Variants in RERE observed in about 807,000 individuals in gnomAD.
The protein encoded by RERE is arginine-glutamic acid dipeptide repeats.
RERE carries 40 observed loss-of-function variants against 146.1 expected under a neutral mutation model. The ratio of observed to expected loss-of-function variants is 0.27; its 90% CI spans 0.21 to 0.36. RERE has a LOEUF of 0.36. Among genes scored for constraint, RERE ranks in the 10% least tolerant of loss-of-function variants. The pLI, the probability that RERE is intolerant of heterozygous loss-of-function variation, is 1.00. For missense variants in RERE, 1,933 were observed against 2,138.7 expected (o/e 0.90, Z 1.90); for synonymous variants, 1,003 against 866.0 (o/e 1.16, Z -2.78).
intron 10 of RERE, among the ~76,000 whole-genome samples, chr1:8,488,393 G>C (rs1016956021): frequency 6.6e-6 from 1 of 151,962 alleles, no homozygotes; most frequent in Non-Finnish European, 1.5e-5. Flanking sequence ...TTACACGCAC[G>C]TGCCACCATG....
intron 1 of RERE, among the ~76,000 whole-genome samples, chr1:8,773,719 G>C (rs1641001065): frequency 1.3e-5 from 2 of 152,172 alleles, no homozygotes; most frequent in South Asian, 4.1e-4. Context: ...AGCTACTTGG[G>C]AGGCTGAGGC....
chr1:8,743,426 A>AT (rs35763675), intron 1 of RERE, among the ~76,000 whole-genome samples: 178 of 122,934 alleles, frequency 1.4e-3, no homozygotes, highest in African/African-American at 2.1e-3. Flanking sequence ...CTACAGGCTA[A>AT]TTTTTTTTTT....
At chr1:8,701,060 T>C (rs751316493) in intron 1 of RERE, among the ~76,000 whole-genome samples, 33 of 152,158 alleles carry the variant, frequency 2.2e-4, no homozygotes, top group Non-Finnish European at 4.0e-4. Context: ...AAACCTTCAG[T>C]GTAAGATAAA....
At chr1:8,618,414 T>G (rs1646880999) in intron 3 of RERE, among the ~76,000 whole-genome samples, 1 of 152,202 alleles carries the variant, frequency 6.6e-6, no homozygotes, top group Non-Finnish European at 1.5e-5. Context: ...GTCCGCGCTC[T>G]GAACCTGGGC....
chr1:8,414,674 G>T (rs1002173289), intron 12 of RERE, among the ~76,000 whole-genome samples: 1 of 151,904 alleles, frequency 6.6e-6, no homozygotes, highest in Non-Finnish European at 1.5e-5. Context: ...TTTCCAAAGT[G>T]GGGGGGTCGG....
intron 12 of RERE, among the ~76,000 whole-genome samples, chr1:8,389,237 A>AG (rs1217083523): frequency 6.6e-6 from 1 of 152,222 alleles, no homozygotes; most frequent in Non-Finnish European, 1.5e-5. Context: ...TATAATCTAC[A>AG]GCACAAGTAG....
chr1:8,776,776 T>C (rs1392139824), intron 1 of RERE, among the ~76,000 whole-genome samples: 2 of 152,126 alleles, frequency 1.3e-5, no homozygotes, highest in Admixed American at 6.6e-5. Flanking sequence ...TGGAGTGCAG[T>C]GGCACCATCA....
intron 1 of RERE, among the ~76,000 whole-genome samples, chr1:8,738,214 G>A (rs1224859751): frequency 6.6e-6 from 1 of 152,084 alleles, no homozygotes; most frequent in Non-Finnish European, 1.5e-5. Flanking sequence ...CCTCCTCTGT[G>A]GCCCCTGATC....
At chr1:8,699,278 C>T (rs1639397704) in intron 1 of RERE, among the ~76,000 whole-genome samples, 1 of 152,064 alleles carries the variant, frequency 6.6e-6, no homozygotes, top group Non-Finnish European at 1.5e-5. Context: ...AATAACTTAC[C>T]CCAGGTATCA....
intron 6 of RERE, among the ~76,000 whole-genome samples, chr1:8,552,473 T>C (rs919408453): frequency 3.3e-5 from 5 of 152,254 alleles, no homozygotes; most frequent in African/African-American, 9.6e-5. Flanking sequence ...TCCCTTTTCA[T>C]GTGCCCACAG....
chr1:8,448,096 G>A (rs555920549), intron 11 of RERE, among the ~76,000 whole-genome samples: 3 of 152,296 alleles, frequency 2.0e-5, no homozygotes, highest in South Asian at 2.1e-4. Context: ...GTCCACCACT[G>A]CCATTAGAAC....
intron 10 of RERE, among the ~76,000 whole-genome samples, chr1:8,492,320 T>C (rs963790432): frequency 6.6e-6 from 1 of 152,194 alleles, no homozygotes. Context: ...TAAGAGAGTT[T>C]GGAATAAAAA....
At chr1:8,802,489 T>G (rs1218452883) in intron 1 of RERE, among the ~76,000 whole-genome samples, 2 of 152,330 alleles carry the variant, frequency 1.3e-5, no homozygotes, top group East Asian at 1.9e-4. Flanking sequence ...TTCATGCAAT[T>G]TCCTGCCTCA....
rs747307431 is a variant in RERE, at chr1:8,640,878, T to G, written c.325+15095A>C. 4.6e-4 allele frequency among the ~76,000 whole-genome samples: 70 copies of G among 152,212 alleles called. 1 individual carries two copies. The highest frequency in any genetic ancestry group is 2.5e-4 in the Non-Finnish European group (17 of 68,034). On this transcript the variant is annotated intron_variant, in intron 2 of 22. Coordinates refer to ENST00000400908, the MANE Select transcript of RERE (RefSeq NM_001042681.2). Reference sequence around the variant, plus strand: ...AAGGAGTAAAATAGTGAAGCATTTATCCTCACTTTTTCTAGTATTTAGGGT... The same window carrying G: ...AAGGAGTAAAATAGTGAAGCATTTAGCCTCACTTTTTCTAGTATTTAGGGT...
chr1:8,801,294 A>G (rs1378199030), intron 1 of RERE, among the ~76,000 whole-genome samples: 34 of 149,388 alleles, frequency 2.3e-4, no homozygotes, highest in Non-Finnish European at 4.6e-4. Flanking sequence ...TTTGAGACGG[A>G]GTTTTGCTCT....
At chr1:8,568,723 T>C (rs1052041041) in intron 4 of RERE, among the ~76,000 whole-genome samples, 11 of 152,160 alleles carry the variant, frequency 7.2e-5, no homozygotes, top group Admixed American at 5.9e-4. Flanking sequence ...TCTTTATAAA[T>C]TACCCAGTCT....
At position 8,356,392 on chromosome 1, in the gene RERE, C is replaced by A; in HGVS notation, c.4340-146G>T. 1 of 962,706 alleles carries A rather than the reference C, an allele frequency of 1.0e-6. No individual in the cohort carries two copies. Among genetic ancestry groups the A allele is most frequent in the Non-Finnish European group, 1.4e-6 (1 of 705,100 alleles). The allele number at this position is 962,706 out of a possible 1,614,324, so 59.6% of individuals were successfully genotyped here. On this transcript the variant is annotated intron_variant, in intron 20 of 22. Transcript: ENST00000400908. This position sits in a 1 kb window ranked among gnomAD's most constrained non-coding sequence, Gnocchi z 5.2. ...GATGCACCACCTGGCTACAGGTGGC[C>A]CTGCCCCAAAGTGGCTGCCTCCACC...
At chr1:8,532,129 A>G (rs1283330287) in intron 7 of RERE, among the ~76,000 whole-genome samples, 1 of 152,250 alleles carries the variant, frequency 6.6e-6, no homozygotes, top group Non-Finnish European at 1.5e-5. Context: ...AAGAGGCAAC[A>G]TATGCTAACA....
At chr1:8,363,132 C>G (rs1641656320) in intron 15 of RERE, among the ~76,000 whole-genome samples, 1 of 152,262 alleles carries the variant, frequency 6.6e-6, no homozygotes, top group Non-Finnish European at 1.5e-5. Context: ...TGGAAATGAA[C>G]CACACTTTCT....
Sources: allele counts gnomAD v4.1 joint callset (sites outside exome capture counted in the v4.1 genomes callset), GRCh38; gene constraint gnomAD v4.1.1; non-coding constraint Gnocchi (gnomAD v3.1); transcripts MANE v1.5; gene names NCBI Gene and HGNC (gene_info 2026-07-23, HGNC 2026-07-21).